MCTP1: variants seen among roughly 807,000 people sequenced by gnomAD.
The protein encoded by MCTP1 is multiple C2 and transmembrane domain containing 1.
Under a neutral mutation model 120.6 loss-of-function variants are expected in MCTP1, and 69 were observed. The ratio of observed to expected loss-of-function variants is 0.57; its 90% CI spans 0.47 to 0.70. MCTP1 has a LOEUF of 0.70. Ranked by LOEUF, MCTP1 falls within the 30% of genes least tolerant of loss-of-function variation. MCTP1 has a pLI of 0.00. For missense variants in MCTP1, 1,203 were observed against 1,248.8 expected (o/e 0.96, Z 0.55); for synonymous variants, 529 against 493.1 (o/e 1.07, Z -0.96).
At chr5:95,042,508 C>T (rs982469625) in intron 1 of MCTP1, among the ~76,000 whole-genome samples, 3 of 152,204 alleles carry the variant, frequency 2.0e-5, no homozygotes, top group Non-Finnish European at 2.9e-5. Flanking sequence ...AGTGCTTACA[C>T]ATATAGTTGG....
Position 95,005,044 on chromosome 5 carries a change from C to G in MCTP1, c.838+12323G>C, listed in dbSNP as rs547257097. On this transcript the variant is annotated intron_variant, in intron 2 of 22. Coordinates refer to ENST00000515393, the MANE Select transcript of MCTP1 (RefSeq NM_024717.7). ...GAAGAGCCACAGGGGCAGAGCTGCC[C>G]AAGGTCTTGGGAGCCCATCCCTTGC... 1.1e-4 allele frequency among the ~76,000 whole-genome samples: 17 copies of G among 152,304 alleles called. 1 individual carries two copies. Among genetic ancestry groups the G allele is most frequent in the African/African-American group, 4.1e-4 (17 of 41,560 alleles).
At chr5:94,994,420 C>A (rs766777729) in intron 2 of MCTP1, among the ~76,000 whole-genome samples, 1 of 152,134 alleles carries the variant, frequency 6.6e-6, no homozygotes, top group Non-Finnish European at 1.5e-5. Flanking sequence ...AAATAGCCTA[C>A]GGTGAGTAAA....
At chr5:95,247,317 TTTTG>T (rs1756907009) in intron 1 of MCTP1, among the ~76,000 whole-genome samples, 1 of 152,184 alleles carries the variant, frequency 6.6e-6, no homozygotes, top group Non-Finnish European at 1.5e-5. Context: ...GGTCTACCTA[TTTTG>T]TTTATCTTTT....
At chr5:94,867,717 T>C (rs1223903149) in intron 17 of MCTP1, 1 of 225,846 alleles carries the variant, frequency 4.4e-6, no homozygotes, top group African/African-American at 2.3e-5. Context: ...GTTGGTCTCA[T>C]CAGAAGTTTT....
intron 8 of MCTP1, among the ~76,000 whole-genome samples, chr5:94,916,519 C>A (rs891466097): frequency 6.6e-6 from 1 of 152,148 alleles, no homozygotes; most frequent in Non-Finnish European, 1.5e-5. Flanking sequence ...TCAAGATAGT[C>A]ATTTATTACT....
At chr5:95,061,408 GTTTTTTTTTTTTTTT>G (rs556663513) in intron 1 of MCTP1, among the ~76,000 whole-genome samples, 456 of 33,370 alleles carry the variant, frequency 0.014, 57 homozygotes, top group Admixed American at 0.038. Flanking sequence ...CCCCTTAAGG[GTTTTTTTTTTTTTTT>G]TTTTTTTTTT....
chr5:94,905,935 G>A (rs1177429969), intron 10 of MCTP1, among the ~76,000 whole-genome samples: 1 of 152,144 alleles, frequency 6.6e-6, no homozygotes, highest in Non-Finnish European at 1.5e-5. Flanking sequence ...GGAAAAACCT[G>A]CAAAGGAGAC....
At chr5:95,279,798 C>A (rs1051437489) in intron 1 of MCTP1, among the ~76,000 whole-genome samples, 1 of 152,202 alleles carries the variant, frequency 6.6e-6, no homozygotes, top group East Asian at 1.9e-4. Flanking sequence ...GAGCACTTTT[C>A]ATGAATGCTA....
At chr5:94,992,465 G>A (rs543221256) in intron 2 of MCTP1, among the ~76,000 whole-genome samples, 1 of 152,254 alleles carries the variant, frequency 6.6e-6, no homozygotes, top group East Asian at 1.9e-4. Context: ...GTTCTGGTCT[G>A]ACACCAGACC....
At chr5:95,077,542 G>A (rs1469407504) in intron 1 of MCTP1, among the ~76,000 whole-genome samples, 1 of 151,350 alleles carries the variant, frequency 6.6e-6, no homozygotes, top group African/African-American at 2.4e-5. Context: ...GCGCAATCTC[G>A]GCTCACTGCA....
At chr5:94,783,033 A>T (rs1052311614) in intron 18 of MCTP1, among the ~76,000 whole-genome samples, 2 of 152,140 alleles carry the variant, frequency 1.3e-5, no homozygotes, top group Admixed American at 1.3e-4. Flanking sequence ...ATGTAATGCA[A>T]GCAGTTAAAA....
intron 19 of MCTP1, among the ~76,000 whole-genome samples, chr5:94,774,842 C>G (rs1190869969): frequency 1.3e-5 from 2 of 152,206 alleles, no homozygotes; most frequent in African/African-American, 4.8e-5. Flanking sequence ...AAGCCTTAAT[C>G]TTTTTCCCCA....
chr5:94,744,510 AT>A (rs34436221), intron 19 of MCTP1, among the ~76,000 whole-genome samples: 62 of 148,038 alleles, frequency 4.2e-4, no homozygotes, highest in Middle Eastern at 3.5e-3. Flanking sequence ...TTTCACTAAC[AT>A]TTTTTTTTTT....
At position 95,243,696 on chromosome 5, in the gene MCTP1, GA is replaced by G. The variant is rs145459306; in HGVS notation, c.720+40159del. Among the ~76,000 whole-genome samples, 1,057 of 152,288 alleles carry G rather than the reference GA, an allele frequency of 6.9e-3. 14 individuals carry two copies. The highest frequency in any genetic ancestry group is 0.024 in the African/African-American group (1,001 of 41,562). ...TAATCCACTCGAGATGACAGGGACT[GA>G]AAACCAAGGTTGCTTCTGAATAAAA... On this transcript the variant is annotated intron_variant, in intron 1 of 22. Coordinates refer to ENST00000515393, the MANE Select transcript of MCTP1 (RefSeq NM_024717.7).
intron 1 of MCTP1, among the ~76,000 whole-genome samples, chr5:95,155,797 TC>T (rs1332544436): frequency 6.6e-6 from 1 of 152,090 alleles, no homozygotes; most frequent in African/African-American, 2.4e-5. Flanking sequence ...ATATCCCCTT[TC>T]CCCCAAGTGT....
chr5:94,936,843 T>C (rs980877319), intron 5 of MCTP1, among the ~76,000 whole-genome samples: 1 of 152,062 alleles, frequency 6.6e-6, no homozygotes, highest in African/African-American at 2.4e-5. Context: ...TCAGAATAGC[T>C]AGGATACTGA....
intron 12 of MCTP1, among the ~76,000 whole-genome samples, chr5:94,880,218 A>T (rs946123997): frequency 6.6e-6 from 1 of 152,168 alleles, no homozygotes; most frequent in Non-Finnish European, 1.5e-5. Context: ...GCTTAGAAAC[A>T]CAAAAGTTGT....
intron 10 of MCTP1, among the ~76,000 whole-genome samples, chr5:94,903,773 AT>A (rs1398016299): frequency 1.3e-5 from 2 of 152,228 alleles, no homozygotes; most frequent in African/African-American, 2.4e-5. Context: ...ATAAACAAGC[AT>A]TTGGCACACT....
At chr5:95,233,623 C>T (rs1203427787) in intron 1 of MCTP1, among the ~76,000 whole-genome samples, 1 of 152,172 alleles carries the variant, frequency 6.6e-6, no homozygotes, top group Non-Finnish European at 1.5e-5. Context: ...GCCACCGCAC[C>T]TGGCCCTAAA....
Sources: gnomAD v4.1 joint callset for allele counts (sites outside exome capture counted in the v4.1 genomes callset) on GRCh38, gnomAD v4.1.1 for gene constraint, MANE v1.5 for transcripts, NCBI Gene and HGNC (gene_info 2026-07-23, HGNC 2026-07-21) for gene names.